The following NRG3 variants were observed in gnomAD, a reference collection of about 807,000 sequenced individuals.
NRG3 encodes neuregulin 3, also known as pro-neuregulin-3, membrane-bound isoform.
In NRG3, 31 loss-of-function variants were observed where a neutral mutation model predicts 66.9. That is an observed-to-expected ratio of 0.46 (90% CI 0.35 to 0.63). The LOEUF is 0.63. NRG3 is among the 20% of genes least tolerant of loss of function. The pLI is 0.00. For missense variants in NRG3, 910 were observed against 878.9 expected (o/e 1.04, Z -0.45); for synonymous variants, 393 against 359.4 (o/e 1.09, Z -1.06).
intron 1 of NRG3, among the ~76,000 whole-genome samples, chr10:82,000,440 G>A (rs1230721486): frequency 6.6e-6 from 1 of 152,104 alleles, no homozygotes; most frequent in South Asian, 2.1e-4. Flanking sequence ...TTGTAGCGTA[G>A]ATTAATTTTT....
chr10:82,383,695 G>C (rs1026148064), intron 2 of NRG3, among the ~76,000 whole-genome samples: 1 of 151,942 alleles, frequency 6.6e-6, no homozygotes, highest in African/African-American at 2.4e-5. Flanking sequence ...TTATCTCAAA[G>C]TTTATGTTAC....
chr10:81,984,292 C>T (rs900157143), intron 1 of NRG3, among the ~76,000 whole-genome samples: 3 of 152,202 alleles, frequency 2.0e-5, no homozygotes, highest in Admixed American at 6.5e-5. Context: ...CATTAATAAT[C>T]ACCAGTACAC....
intron 4 of NRG3, among the ~76,000 whole-genome samples, chr10:82,890,771 C>T (rs1591842343): frequency 6.6e-6 from 1 of 152,104 alleles, no homozygotes; most frequent in African/African-American, 2.4e-5. Flanking sequence ...ACTTGAATTG[C>T]GTAAGACGTT....
intron 4 of NRG3, among the ~76,000 whole-genome samples, chr10:82,876,599 A>G (rs1253820255): frequency 6.6e-6 from 1 of 152,248 alleles, no homozygotes; most frequent in African/African-American, 2.4e-5. Flanking sequence ...AGTCAGTATC[A>G]AGTTGATTAC....
chr10:82,916,134 C>T (rs949848609), intron 4 of NRG3, among the ~76,000 whole-genome samples: 1 of 152,108 alleles, frequency 6.6e-6, no homozygotes, highest in African/African-American at 2.4e-5. Context: ...ATTTGTTGTT[C>T]TTGTCATTGT....
intron 1 of NRG3, among the ~76,000 whole-genome samples, chr10:82,047,638 G>A (rs549125239): frequency 7.1e-4 from 108 of 151,822 alleles, no homozygotes; most frequent in African/African-American, 2.5e-3. Flanking sequence ...ACCAGCTGCC[G>A]CAAAATCATG....
At chr10:82,740,551 A>G (rs1413226607) in intron 3 of NRG3, among the ~76,000 whole-genome samples, 1 of 152,078 alleles carries the variant, frequency 6.6e-6, no homozygotes, top group Non-Finnish European at 1.5e-5. Flanking sequence ...TAGCTGTGTG[A>G]GCCAGGCACG....
At chr10:82,270,526 C>T (rs755585574) in intron 1 of NRG3, among the ~76,000 whole-genome samples, 26 of 152,216 alleles carry the variant, frequency 1.7e-4, no homozygotes, top group African/African-American at 2.6e-4. Context: ...TGCTTTCCTG[C>T]TTCTGTAATT....
chr10:82,200,000 C>T (rs1002210284), intron 1 of NRG3, among the ~76,000 whole-genome samples: 2 of 151,798 alleles, frequency 1.3e-5, no homozygotes, highest in African/African-American at 4.8e-5. Context: ...TTCCTTCAGC[C>T]TCAGTATCCT....
rs1035968790 is a variant in NRG3 at position 82,334,712 on chromosome 10, A to G, written c.824-24027A>G. Among the ~76,000 whole-genome samples the G allele has an allele frequency of 1.1e-4, 17 of 152,362 alleles. No individual in the cohort carries two copies. The East Asian group carries it at 1.7e-3, about 16-fold the overall frequency. On this transcript the variant is annotated intron_variant, in intron 1 of 8. Coordinates refer to ENST00000372141, the MANE Select transcript of NRG3 (RefSeq NM_001010848.4). ...TCACTGATAGGTGAGTGTGTGCTGCAAAACGATACAGAGTCCATCTGTGTT... is the reference window on the plus strand; with the variant it reads ...TCACTGATAGGTGAGTGTGTGCTGCGAAACGATACAGAGTCCATCTGTGTT...
At chr10:82,905,539 T>C (rs922038536) in intron 4 of NRG3, among the ~76,000 whole-genome samples, 1 of 152,216 alleles carries the variant, frequency 6.6e-6, no homozygotes, top group African/African-American at 2.4e-5. Context: ...TTTTGTTACA[T>C]GTTTTTACTG....
rs745834169 is a variant in NRG3, at chr10:81,963,151, T to TTTTTTTG, written c.823+86988_823+86989insTTTTTTG. Among the ~76,000 whole-genome samples, 182 of 135,490 alleles carry TTTTTTTG rather than the reference T, an allele frequency of 1.3e-3. 5 individuals carry two copies. Among genetic ancestry groups the TTTTTTTG allele is most frequent in the African/African-American group, 4.6e-3 (164 of 35,904 alleles). The allele number at this position is 135,490 out of a possible 152,430, so 88.9% of individuals were successfully genotyped here. On this transcript the variant is annotated intron_variant, in intron 1 of 8. Coordinates refer to ENST00000372141, the MANE Select transcript of NRG3 (RefSeq NM_001010848.4). ...TTTTTTTTTTTTTTTTTTTTTTTTT[T>TTTTTTTG]GAGACGGAGTCTCGCTCTGTCGCCC...
At chr10:82,796,418 A>C (rs1352751566) in intron 3 of NRG3, among the ~76,000 whole-genome samples, 1 of 152,186 alleles carries the variant, frequency 6.6e-6, no homozygotes, top group Non-Finnish European at 1.5e-5. Context: ...TCTGCAGCGA[A>C]GTCTGAAAGT....
chr10:82,715,689 A>G (rs982248976), intron 2 of NRG3, among the ~76,000 whole-genome samples: 1 of 152,206 alleles, frequency 6.6e-6, no homozygotes, highest in African/African-American at 2.4e-5. Context: ...ATTTGTGTCA[A>G]ATCTTTGCCT....
At chr10:82,649,837 A>C (rs2051267766) in intron 2 of NRG3, among the ~76,000 whole-genome samples, 1 of 152,092 alleles carries the variant, frequency 6.6e-6, no homozygotes, top group Admixed American at 6.6e-5. Context: ...TAAGTCTCTT[A>C]GTGGTGGAAT....
intron 2 of NRG3, among the ~76,000 whole-genome samples, chr10:82,566,416 T>C (rs1421792570): frequency 6.6e-6 from 1 of 151,994 alleles, no homozygotes; most frequent in East Asian, 1.9e-4. Context: ...ATCTTAGGTG[T>C]TGGACCACCT....
Position 82,370,262 on chromosome 10 carries a change from G to A in NRG3, c.953+11394G>A, listed in dbSNP as rs983063419. ...TTGAGTGGTGGAGGTGGCTCTCAGC[G>A]AGATGATGAGGAGCTGAAAGTGGGG... is the stretch of plus-strand genomic sequence containing the variant. On this transcript the variant is annotated intron_variant, in intron 2 of 8. Transcript: ENST00000372141. 7.2e-5 allele frequency among the ~76,000 whole-genome samples: 10 copies of A among 138,146 alleles called. 1 individual carries two copies. The highest frequency in any genetic ancestry group is 4.3e-4 in the East Asian group (2 of 4,636). 90.6% of individuals were successfully genotyped at this position (138,146 alleles called of 152,430 possible).
chr10:82,687,017 G>A (rs1351375451), intron 2 of NRG3, among the ~76,000 whole-genome samples: 1 of 152,112 alleles, frequency 6.6e-6, no homozygotes, highest in Non-Finnish European at 1.5e-5. Context: ...TTAAAGAAAC[G>A]GAATAAAATC....
intron 2 of NRG3, among the ~76,000 whole-genome samples, chr10:82,430,019 C>CT (rs1335638282): frequency 6.6e-6 from 1 of 152,036 alleles, no homozygotes; most frequent in Non-Finnish European, 1.5e-5. Flanking sequence ...CTATTTAGTA[C>CT]TTTTTTATAG....
Sources: gnomAD v4.1 joint callset for allele counts (sites outside exome capture counted in the v4.1 genomes callset) on GRCh38, gnomAD v4.1.1 for gene constraint, MANE v1.5 for transcripts, NCBI Gene and HGNC (gene_info 2026-07-23, HGNC 2026-07-21) for gene names.